CFH: variants seen among roughly 807,000 people sequenced by gnomAD.
CFH encodes H factor 1 (complement).
In CFH, 53 loss-of-function variants were observed where a neutral mutation model predicts 147.3. The ratio of observed to expected loss-of-function variants is 0.36; its 90% confidence interval spans 0.29 to 0.45. The LOEUF (loss-of-function observed/expected upper bound fraction) is 0.45, where lower values mean the gene tolerates loss of function less well. CFH is among the 20% of genes least tolerant of loss of function. The pLI is 1.00. For missense variants in CFH, 1,380 were observed against 1,498.0 expected (o/e 0.92, Z 1.30); for synonymous variants, 536 against 489.4 (o/e 1.10, Z -1.26).
At chr1:196,685,029 T>C (rs770499656) in intron 6 of CFH, 35 bp from the exon 7 acceptor site, 4 of 1,464,932 alleles carry the variant, frequency 2.7e-6, no homozygotes, top group South Asian at 1.1e-5. Context: ...CGGATACTTA[T>C]TTCTGCATTA....
At position 196,685,186 on chromosome 1, in the gene CFH, A is replaced by G. The variant is rs926757359; in HGVS notation, c.913A>G (p.Asn305Asp). 1.9e-6 allele frequency: 3 copies of G among 1,613,186 alleles called. No individual in the cohort carries two copies. Among genetic ancestry groups the G allele is most frequent in the Non-Finnish European group, 1.7e-6 (2 of 1,179,428 alleles). ...TGGTTTTTATCCTGCAACCCGGGGA[A>G]ATACAGCAAAATGCACAAGTACTGG... ...RNGFYPATRGNTAKCTSTGWI... is the reference protein window; with the variant it reads ...RNGFYPATRGDTAKCTSTGWI... The change falls in exon 7 of 22, where the codon AAT becomes GAT. Residue 305 changes from asparagine (N) to aspartate (D), a missense_variant. Around this residue, in one of 4 missense-constraint regions of CFH, gnomAD observed 167 missense variants for 228.0 expected, o/e 0.73. Coordinates refer to ENST00000367429, the MANE Select transcript of CFH (RefSeq NM_000186.4).
At chr1:196,696,532 A>G (rs534931776) in intron 9 of CFH, among the ~76,000 whole-genome samples, 3 of 152,160 alleles carry the variant, frequency 2.0e-5, no homozygotes, top group Non-Finnish European at 2.9e-5. Flanking sequence ...TTGACACCCT[A>G]ACACCTCAAT....
At chr1:196,713,084 C>T (rs375988477) in intron 9 of CFH, among the ~76,000 whole-genome samples, 1 of 152,140 alleles carries the variant, frequency 6.6e-6, no homozygotes, top group African/African-American at 2.4e-5. Context: ...CATACATGTG[C>T]ATGTAACCGA....
At position 196,743,574 on chromosome 1, in the gene CFH, G is replaced by A. The variant is rs1270926375; in HGVS notation, c.3256G>A (p.Asp1086Asn). Reference sequence around the variant, plus strand: ...TAGGAGCCCTTATGAAATGTTTGGGGATGAAGAAGTGATGTGTTTAAATGG... The same window carrying A: ...TAGGAGCCCTTATGAAATGTTTGGGAATGAAGAAGTGATGTGTTTAAATGG... ...QCRSPYEMFG[D>N]EEVMCLNGNW... Residue 1086 changes from aspartate to asparagine, a missense_variant, in exon 20 of 22, where the codon GAT becomes AAT. Physicochemically the swap from Asp to Asn is conservative, Grantham distance 23 (BLOSUM62 1). This residue lies in a region of CFH where 123 missense variants were observed against 185.3 expected (regional missense o/e 0.66). Coordinates refer to ENST00000367429, the MANE Select transcript of CFH (RefSeq NM_000186.4). 2.5e-6 allele frequency: 4 copies of A among 1,613,936 alleles called. No homozygotes were observed. The highest frequency in any genetic ancestry group is 1.3e-5 in the African/African-American group (1 of 74,934).
rs554302212 is a variant in CFH at position 196,724,615 on chromosome 1, C to T, written c.1697-506C>T. 3.2e-4 allele frequency among the ~76,000 whole-genome samples: 48 copies of T among 152,200 alleles called. 1 individual carries two copies. The highest frequency in any genetic ancestry group is 6.8e-3 in the Middle Eastern group (2 of 294). ...CTTTTTCCATGCTTTGGCTTCTCTC[C>T]ATGGTTTCTCTATGACGCTCCTGCA... On this transcript the variant is annotated intron_variant, in intron 11 of 21. Coordinates refer to ENST00000367429, the MANE Select transcript of CFH (RefSeq NM_000186.4).
chr1:196,745,776 T>G (rs200175094), intron 20 of CFH, 41 bp from the exon 21 acceptor site: 1 of 1,613,808 alleles, frequency 6.2e-7, no homozygotes, highest in East Asian at 2.2e-5. Context: ...TATTTTGATT[T>G]GCTCTCACAA....
intron 1 of CFH, among the ~76,000 whole-genome samples, chr1:196,658,805 A>G (rs1666806911): frequency 6.6e-6 from 1 of 152,030 alleles, no homozygotes; most frequent in South Asian, 2.1e-4. Context: ...CCTGGGGTCT[A>G]TTGATCCTCT....
At chr1:196,736,408 G>A (rs1669402001) in intron 15 of CFH, among the ~76,000 whole-genome samples, 1 of 152,040 alleles carries the variant, frequency 6.6e-6, no homozygotes, top group South Asian at 2.1e-4. Context: ...AAATTTGTGA[G>A]TGTTTTAATC....
At chr1:196,715,549 T>C in intron 10 of CFH, 44 bp from the exon 11 acceptor site, 1 of 1,431,036 alleles carries the variant, frequency 7.0e-7, no homozygotes, top group Non-Finnish European at 9.9e-7. Flanking sequence ...AGATTGTTTA[T>C]TAGATGACAT....
chr1:196,701,436 T>A, intron 9 of CFH: 2 of 1,507,358 alleles, frequency 1.3e-6, no homozygotes, highest in Non-Finnish European at 1.8e-6. Flanking sequence ...GGGTCCTGAG[T>A]ATGGTGACTA....
intron 6 of CFH, among the ~76,000 whole-genome samples, chr1:196,682,828 T>C (rs1463177548): frequency 6.6e-6 from 1 of 151,678 alleles, no homozygotes; most frequent in Non-Finnish European, 1.5e-5. Context: ...CATATAATTA[T>C]TGCTAATCTA....
chr1:196,743,456 C>G lies in CFH; in HGVS notation c.3138C>G (p.Thr1046=), dbSNP rs61822181. 6.6e-7 allele frequency: 1 copy of G among 1,518,088 alleles called. No individual in the cohort carries two copies. The highest frequency in any genetic ancestry group is 8.9e-7 in the Non-Finnish European group (1 of 1,125,738). 94.0% of individuals were successfully genotyped at this position (1,518,088 alleles called of 1,614,324 possible). Residue 1046 remains threonine, a synonymous_variant, in exon 20 of 22, where the codon ACC becomes ACG. Coordinates refer to ENST00000367429, the MANE Select transcript of CFH (RefSeq NM_000186.4). ...RWTGRPTCRD[T]SCVNPPTVQN... Reference sequence around the variant, plus strand: ...ACTTCTTTTTTTTCTATTCAGACACCTCCTGTGTGAATCCGCCCACAGTAC... The same window carrying G: ...ACTTCTTTTTTTTCTATTCAGACACGTCCTGTGTGAATCCGCCCACAGTAC...
chr1:196,746,281 C>A (rs943297692), intron 21 of CFH, among the ~76,000 whole-genome samples: 1 of 152,050 alleles, frequency 6.6e-6, no homozygotes, highest in Non-Finnish European at 1.5e-5. Flanking sequence ...CCCGTCTCTA[C>A]TAAAAATACA....
chr1:196,675,625 A>G (rs1435083635), intron 3 of CFH, among the ~76,000 whole-genome samples: 2 of 152,190 alleles, frequency 1.3e-5, no homozygotes, highest in Non-Finnish European at 2.9e-5. Flanking sequence ...AGATAATTCA[A>G]TGAAAAATAA....
At chr1:196,674,043 T>C (rs1445172785) in intron 3 of CFH, 81 bp downstream of exon 3, 2 of 954,458 alleles carry the variant, frequency 2.1e-6, no homozygotes, top group East Asian at 2.7e-5. Flanking sequence ...TTAAGGTTAT[T>C]ATATTTTTCT....
rs1253863736 is a variant in CFH at position 196,688,020 on chromosome 1, G to T, written c.965-1400G>T. 2.0e-5 allele frequency among the ~76,000 whole-genome samples: 3 copies of T among 151,750 alleles called. No individual in the cohort carries two copies. In the East Asian group the frequency reaches 5.8e-4, roughly 30 times the overall value. On this transcript the variant is annotated intron_variant, in intron 7 of 21. Coordinates refer to ENST00000367429, the MANE Select transcript of CFH (RefSeq NM_000186.4). Reference sequence around the variant, plus strand: ...AAAATTTCTCTAATCAAATACAAAAGAAAATAAATCACAGAATTTAAGAAA... The same window carrying T: ...AAAATTTCTCTAATCAAATACAAAATAAAATAAATCACAGAATTTAAGAAA...
At chr1:196,743,334 T>C (rs1652876371) in intron 19 of CFH, 118 bp from the exon 20 acceptor site, 2 of 1,406,584 alleles carry the variant, frequency 1.4e-6, no homozygotes, top group Non-Finnish European at 2.0e-6. Flanking sequence ...CAACAAAATA[T>C]TTGATGAGAT....
chr1:196,726,352 T>C, intron 12 of CFH, 118 bp from the exon 13 acceptor site: 1 of 781,232 alleles, frequency 1.3e-6, no homozygotes, highest in Admixed American at 2.3e-5. Context: ...TAGGATGCTA[T>C]AATAAGTTAC....
chr1:196,708,071 T>G (rs1445252230), intron 9 of CFH, among the ~76,000 whole-genome samples: 1 of 152,174 alleles, frequency 6.6e-6, no homozygotes, highest in South Asian at 2.1e-4. Flanking sequence ...ACTCATTATG[T>G]GGACATTCTA....
Sources: gnomAD v4.1 joint callset for allele counts (sites outside exome capture counted in the v4.1 genomes callset) on GRCh38, gnomAD v4.1.1 for gene constraint, gnomAD v4.1.1 regional missense constraint, MANE v1.5 for transcripts, NCBI Gene and HGNC (gene_info 2026-07-23, HGNC 2026-07-21) for gene names.